TULP4: variants seen among roughly 807,000 people sequenced by gnomAD.
TULP4 encodes the protein tubby-related protein 4.
A neutral mutation model predicts 129.0 loss-of-function variants in TULP4; 16 were observed. That is an observed-to-expected ratio of 0.12 (90% CI 0.08 to 0.19). The LOEUF (loss-of-function observed/expected upper bound fraction) is 0.19. Among genes scored for constraint, TULP4 ranks in the 10% least tolerant of loss-of-function variants. The probability of loss-of-function intolerance (pLI) is 1.00; values close to 1 mark genes in which losing one functional copy is unlikely to be tolerated. For missense variants in TULP4, 1,842 were observed against 2,059.1 expected, an observed-to-expected ratio of 0.89 and a Z score of 2.04; for synonymous variants, 998 against 854.0, an observed-to-expected ratio of 1.17 and a Z score of -2.94.
chr6:158,245,427 G>T (rs1778010368), intron 1 of TULP4, among the ~76,000 whole-genome samples: 1 of 152,010 alleles, frequency 6.6e-6, no homozygotes, highest in African/African-American at 2.4e-5. Flanking sequence ...TGTGGAAAGG[G>T]AATGATAAGG....
At chr6:158,248,803 G>C (rs540264504) in intron 1 of TULP4, among the ~76,000 whole-genome samples, 39 of 152,258 alleles carry the variant, frequency 2.6e-4, no homozygotes, top group African/African-American at 9.1e-4. Flanking sequence ...TGGATTTAAT[G>C]TATCTGAGAG....
chr6:158,444,255 T>TG (rs1485878645), intron 3 of TULP4, among the ~76,000 whole-genome samples: 1 of 126,022 alleles, frequency 7.9e-6, no homozygotes, highest in Non-Finnish European at 1.7e-5. Context: ...AATTTTTTTT[T>TG]TTTTTTTTTT....
rs554991876 is a variant in TULP4 at position 158,455,321 on chromosome 6, G to A, written c.859+3053G>A. 2.8e-5 allele frequency among the ~76,000 whole-genome samples: 4 copies of A among 140,512 alleles called. 1 individual carries two copies. The East Asian group carries it at 6.3e-4, about 22-fold the overall frequency. 92.2% of individuals were successfully genotyped at this position (140,512 alleles called of 152,430 possible). Reference sequence around the variant, plus strand: ...GATCTCCTGACCTCGTGATCCACCCGCCTCGGCCTCCCAAAGTGCTGGGAT... The same window carrying A: ...GATCTCCTGACCTCGTGATCCACCCACCTCGGCCTCCCAAAGTGCTGGGAT... On this transcript the variant is annotated intron_variant, in intron 5 of 13. Transcript: ENST00000367097.
At chr6:158,484,852 T>G (rs1780030020) in intron 8 of TULP4, among the ~76,000 whole-genome samples, 1 of 152,266 alleles carries the variant, frequency 6.6e-6, no homozygotes, top group Non-Finnish European at 1.5e-5. Context: ...ACACGTGCTC[T>G]TGCATACACA....
At chr6:158,232,751 G>A (rs1486700493) in intron 1 of TULP4, among the ~76,000 whole-genome samples, 2 of 151,872 alleles carry the variant, frequency 1.3e-5, no homozygotes, top group Non-Finnish European at 2.9e-5. Flanking sequence ...CCTCCCCGGC[G>A]TCGGGCCCGA....
chr6:158,396,721 T>A (rs1777726636), intron 1 of TULP4, among the ~76,000 whole-genome samples: 1 of 152,210 alleles, frequency 6.6e-6, no homozygotes, highest in South Asian at 2.1e-4. Flanking sequence ...CAGATTGATG[T>A]CTCTTAGGCT....
At chr6:158,408,930 A>C (rs1313794223) in intron 1 of TULP4, among the ~76,000 whole-genome samples, 4 of 152,212 alleles carry the variant, frequency 2.6e-5, no homozygotes, top group African/African-American at 9.7e-5. Context: ...AATCACAGGG[A>C]TTTCTTCCTT....
At chr6:158,436,242 G>A (rs1361600963) in intron 3 of TULP4, among the ~76,000 whole-genome samples, 2 of 152,100 alleles carry the variant, frequency 1.3e-5, no homozygotes, top group African/African-American at 4.8e-5. Flanking sequence ...CCTTCACTTA[G>A]TCACCAGGTC....
intron 1 of TULP4, among the ~76,000 whole-genome samples, chr6:158,314,873 C>T (rs9347228): frequency 0.86 from 130,369 of 152,276 alleles, 56,336 homozygotes; most frequent in South Asian, 0.93. Context: ...CATGTAGATT[C>T]CTCTGGGCTT....
intron 1 of TULP4, among the ~76,000 whole-genome samples, chr6:158,412,004 C>G (rs961901586): frequency 3.3e-5 from 5 of 152,232 alleles, no homozygotes; most frequent in African/African-American, 7.2e-5. Context: ...GGGTTCAAAT[C>G]TTCTTTTATT....
intron 1 of TULP4, among the ~76,000 whole-genome samples, chr6:158,253,752 G>C (rs6918115): frequency 0.33 from 49,995 of 152,020 alleles, 9,212 homozygotes; most frequent in Admixed American, 0.45. Flanking sequence ...AAGACAGAAT[G>C]TGCCGAGCAT....
intron 1 of TULP4, among the ~76,000 whole-genome samples, chr6:158,349,430 A>ATCC (rs1780429289): frequency 1.8e-5 from 1 of 55,362 alleles, no homozygotes; most frequent in African/African-American, 6.8e-5. Context: ...CGCTCCTCAC[A>ATCC]TCCCAGACGG....
intron 3 of TULP4, among the ~76,000 whole-genome samples, chr6:158,443,379 A>G (rs927026871): frequency 1.3e-5 from 2 of 152,014 alleles, no homozygotes; most frequent in Admixed American, 1.3e-4. Context: ...GGCCTCCCAA[A>G]GTCCTGGGAT....
rs538809164 is a variant in TULP4 at position 158,501,781 on chromosome 6, C to T, written c.2118C>T (p.Ser706=). Residue 706 remains serine, a synonymous_variant, in exon 13 of 14, where the codon AGC becomes AGT. Transcript: ENST00000367097. The part of the protein sequence containing the change: ...SSAQAMSPTQ[S]IGLVQSLLAN... Reference sequence around the variant, plus strand: ...CTCAGGCTATGTCCCCCACGCAGAGCATAGGGCTGGTGCAGTCCCTACTGG... The same window carrying T: ...CTCAGGCTATGTCCCCCACGCAGAGTATAGGGCTGGTGCAGTCCCTACTGG... 1.2e-6 allele frequency: 2 copies of T among 1,614,166 alleles called. No individual in the cohort carries two copies. The highest frequency in any genetic ancestry group is 2.7e-5 in the African/African-American group (2 of 75,028).
At chr6:158,236,808 T>C (rs1383228372) in intron 1 of TULP4, among the ~76,000 whole-genome samples, 30 of 61,466 alleles carry the variant, frequency 4.9e-4, no homozygotes, top group Non-Finnish European at 6.8e-4. Flanking sequence ...TTTTTTTTTT[T>C]TTTTTTTTTT....
intron 1 of TULP4, among the ~76,000 whole-genome samples, chr6:158,273,455 A>G (rs1377317922): frequency 6.6e-6 from 1 of 152,136 alleles, no homozygotes; most frequent in Non-Finnish European, 1.5e-5. Flanking sequence ...ACTGACCTTT[A>G]TGTCGATGAC....
chr6:158,365,065 G>T (rs1042062022), intron 1 of TULP4, among the ~76,000 whole-genome samples: 3 of 151,634 alleles, frequency 2.0e-5, no homozygotes, highest in Non-Finnish European at 2.9e-5. Flanking sequence ...GTCTCTGCTT[G>T]GCACTCATTG....
chr6:158,369,870 A>G (rs1426482347), intron 1 of TULP4, among the ~76,000 whole-genome samples: 2 of 152,096 alleles, frequency 1.3e-5, no homozygotes. Flanking sequence ...CTTTTGTACC[A>G]TGTACATGAG....
At chr6:158,348,673 C>T (rs1780379461) in intron 1 of TULP4, among the ~76,000 whole-genome samples, 1 of 152,148 alleles carries the variant, frequency 6.6e-6, no homozygotes, top group Non-Finnish European at 1.5e-5. Flanking sequence ...ATGGCCCGTT[C>T]TCGATGGTCG....
Sources: allele counts gnomAD v4.1 joint callset (sites outside exome capture counted in the v4.1 genomes callset), GRCh38; gene constraint gnomAD v4.1.1; transcripts MANE v1.5; gene names NCBI Gene and HGNC (gene_info 2026-07-23, HGNC 2026-07-21).